Variants in UQCC1 observed in about 807,000 individuals in gnomAD.
UQCC1 encodes the protein bFGF-repressed Zic-binding protein.
In UQCC1, 38 loss-of-function variants were observed where a neutral mutation model predicts 48.0. The observed-to-expected ratio is 0.79, with a 90% CI of 0.61 to 1.04. The LOEUF is 1.04. UQCC1 is among the 50% of genes least tolerant of loss of function. The probability of loss-of-function intolerance (pLI) is 0.00; values close to 1 mark genes in which losing one functional copy is unlikely to be tolerated. For synonymous variants in UQCC1, 111 were observed against 129.2 expected (o/e 0.86, Z 0.95); for missense variants, 368 against 381.8 (o/e 0.96, Z 0.30).
chr20:35,403,732 T>TA (rs2062203971), intron 1 of UQCC1, among the ~76,000 whole-genome samples: 2 of 152,232 alleles, frequency 1.3e-5, no homozygotes, highest in South Asian at 4.1e-4. Flanking sequence ...TATGCAGCCA[T>TA]AAAAAAGGAT....
intron 7 of UQCC1, among the ~76,000 whole-genome samples, chr20:35,338,001 C>T (rs1188890087): frequency 1.3e-5 from 2 of 151,172 alleles, no homozygotes; most frequent in African/African-American, 4.9e-5. Context: ...CCTTCAAGCA[C>T]GGTGTTCAGT....
intron 7 of UQCC1, chr20:35,315,123 T>C (rs761334498): frequency 6.1e-6 from 1 of 165,136 alleles, no homozygotes; most frequent in African/African-American, 2.4e-5. Context: ...CTGCAACATG[T>C]TGCCTCAAAT....
chr20:35,387,828 T>C (rs914057796), intron 2 of UQCC1, among the ~76,000 whole-genome samples: 11 of 151,380 alleles, frequency 7.3e-5, no homozygotes, highest in African/African-American at 2.7e-4. Context: ...TTTCATTTCA[T>C]ACAGTGAGGA....
At chr20:35,384,660 A>AG (rs1377071424) in intron 2 of UQCC1, 3 of 447,684 alleles carry the variant, frequency 6.7e-6, no homozygotes, top group East Asian at 1.4e-4. Context: ...AAAAAAAAAA[A>AG]AAAGAGAGAG....
At chr20:35,382,517 T>C (rs904150741) in intron 3 of UQCC1, among the ~76,000 whole-genome samples, 40 of 141,384 alleles carry the variant, frequency 2.8e-4, no homozygotes, top group African/African-American at 9.7e-4. Flanking sequence ...TTTTTCTTTT[T>C]TTTTTTTTTT....
chr20:35,331,165 A>G (rs1046555857), intron 7 of UQCC1, among the ~76,000 whole-genome samples: 1 of 152,168 alleles, frequency 6.6e-6, no homozygotes, highest in African/African-American at 2.4e-5. Context: ...AGCGCTTAAC[A>G]GGAATCATCT....
chr20:35,403,021 C>T lies in UQCC1; in HGVS notation c.25-8825G>A, dbSNP rs537708628. Among the ~76,000 whole-genome samples the T allele has an allele frequency of 1.1e-4, 16 of 151,310 alleles. 1 individual carries two copies. The highest frequency in any genetic ancestry group is 3.9e-4 in the East Asian group (2 of 5,154). ...GGCGGAGGTTGCAGTGACCTGAGAT[C>T]GCGCCATTGCACTCCAGCCTAGGGG... On this transcript the variant is annotated intron_variant, in intron 1 of 9. Coordinates refer to ENST00000374385, the MANE Select transcript of UQCC1 (RefSeq NM_018244.5).
At chr20:35,390,451 A>C (rs1169842495) in intron 2 of UQCC1, among the ~76,000 whole-genome samples, 2 of 151,980 alleles carry the variant, frequency 1.3e-5, no homozygotes, top group African/African-American at 4.8e-5. Context: ...ATAGAAACAG[A>C]AAGTAGAAAA....
intron 1 of UQCC1, among the ~76,000 whole-genome samples, chr20:35,402,613 A>AT (rs2062182874): frequency 1.5e-4 from 17 of 113,186 alleles, no homozygotes; most frequent in Admixed American, 1.3e-3. Context: ...ACAAACAAAC[A>AT]AAATATATAT....
At chr20:35,331,147 G>T (rs2061252369) in intron 7 of UQCC1, among the ~76,000 whole-genome samples, 1 of 152,112 alleles carries the variant, frequency 6.6e-6, no homozygotes, top group Non-Finnish European at 1.5e-5. Flanking sequence ...GGAGACAGAA[G>T]CCTGCTCAGC....
At chr20:35,326,075 AG>A (rs1242848032) in intron 7 of UQCC1, among the ~76,000 whole-genome samples, 1 of 152,220 alleles carries the variant, frequency 6.6e-6, no homozygotes, top group Non-Finnish European at 1.5e-5. Context: ...CAGATCACAA[AG>A]TTGGGGGAAG....
At chr20:35,353,016 A>G (rs1028240114) in intron 6 of UQCC1, among the ~76,000 whole-genome samples, 1 of 152,166 alleles carries the variant, frequency 6.6e-6, no homozygotes, top group Non-Finnish European at 1.5e-5. Context: ...TTAAAAGTAG[A>G]ATAAAATTTA....
intron 6 of UQCC1, among the ~76,000 whole-genome samples, chr20:35,348,232 C>T (rs958023701): frequency 2.0e-5 from 3 of 152,166 alleles, no homozygotes; most frequent in Admixed American, 1.3e-4. Context: ...TCTAGTCAGT[C>T]CAGAGGGCTT....
At chr20:35,399,430 A>AGTT (rs1268273605) in intron 1 of UQCC1, among the ~76,000 whole-genome samples, 2 of 152,140 alleles carry the variant, frequency 1.3e-5, no homozygotes, top group Non-Finnish European at 2.9e-5. Flanking sequence ...TCCACTCAAC[A>AGTT]GTTTCAACAC....
At chr20:35,338,059 T>C (rs2061333136) in intron 7 of UQCC1, among the ~76,000 whole-genome samples, 1 of 151,684 alleles carries the variant, frequency 6.6e-6, no homozygotes, top group Non-Finnish European at 1.5e-5. Context: ...AAGGAGTCTC[T>C]GAAAAATAAT....
intron 5 of UQCC1, among the ~76,000 whole-genome samples, chr20:35,369,688 G>A (rs751873919): frequency 4.6e-5 from 7 of 152,128 alleles, no homozygotes; most frequent in African/African-American, 7.2e-5. Flanking sequence ...TAAGATTTTT[G>A]TGAGAATGAG....
intron 1 of UQCC1, among the ~76,000 whole-genome samples, chr20:35,405,642 C>A (rs1369381154): frequency 1.3e-5 from 2 of 152,142 alleles, no homozygotes; most frequent in Non-Finnish European, 2.9e-5. Context: ...AATCCCAGCA[C>A]TTTGGGAGGC....
At chr20:35,336,343 G>A (rs974958339) in intron 7 of UQCC1, among the ~76,000 whole-genome samples, 5 of 152,106 alleles carry the variant, frequency 3.3e-5, no homozygotes, top group Admixed American at 6.6e-5. Flanking sequence ...ACCTTATATG[G>A]CAAAAAAGGA....
chr20:35,394,487 A>G (rs540088962), intron 1 of UQCC1, among the ~76,000 whole-genome samples: 3 of 152,228 alleles, frequency 2.0e-5, no homozygotes, highest in African/African-American at 7.2e-5. Context: ...GTTGGAACTC[A>G]GCCCCAACTC....
Sources: gnomAD v4.1 joint callset for allele counts (sites outside exome capture counted in the v4.1 genomes callset) on GRCh38, gnomAD v4.1.1 for gene constraint, MANE v1.5 for transcripts, NCBI Gene and HGNC (gene_info 2026-07-23, HGNC 2026-07-21) for gene names.